Variants in INTS15 observed in about 807,000 individuals in gnomAD.
INTS15 encodes integrator complex subunit 15.
chr7:6,605,762 G>T, the INTS15 span, among the ~76,000 whole-genome samples: 1 of 150,884 alleles, frequency 6.6e-6, no homozygotes, highest in East Asian at 1.9e-4. Flanking sequence ...GCCGTGGTGT[G>T]ATCTCGGCTC....
chr7:6,607,326 G>C, the INTS15 span, among the ~76,000 whole-genome samples: 194 of 151,820 alleles, frequency 1.3e-3, 2 homozygotes, highest in Middle Eastern at 0.014. This position sits in a 1 kb window ranked among gnomAD's most constrained non-coding sequence, Gnocchi z 6.0. Context: ...TGGTGGGAGC[G>C]CGGTGGCGGA....
the INTS15 span, among the ~76,000 whole-genome samples, chr7:6,604,184 C>G: frequency 6.6e-6 from 1 of 152,200 alleles, no homozygotes; most frequent in East Asian, 1.9e-4. Flanking sequence ...TCAAGCCATC[C>G]TCCCACCTCA....
the INTS15 span, among the ~76,000 whole-genome samples, chr7:6,595,737 G>A: frequency 1.6e-4 from 25 of 152,036 alleles, no homozygotes; most frequent in African/African-American, 5.6e-4. Flanking sequence ...GCTGGAATAC[G>A]GTGGTGCAGT....
chr7:6,598,071 G>T, the INTS15 span, among the ~76,000 whole-genome samples: 3 of 152,196 alleles, frequency 2.0e-5, no homozygotes, highest in Non-Finnish European at 2.9e-5. Context: ...ATTTTCTACA[G>T]GCTGGTAGAG....
At chr7:6,600,427 C>T in the INTS15 span, 1 of 1,435,692 alleles carries the variant, frequency 7.0e-7, no homozygotes, top group Non-Finnish European at 9.3e-7. Flanking sequence ...GGAGGGGCTC[C>T]TGGACAGACA....
At chr7:6,605,268 C>T in the INTS15 span, among the ~76,000 whole-genome samples, 1 of 152,118 alleles carries the variant, frequency 6.6e-6, no homozygotes, top group African/African-American at 2.4e-5. Context: ...GGATTACAGG[C>T]ATGAGCCACT....
the INTS15 span, among the ~76,000 whole-genome samples, chr7:6,594,986 C>T: frequency 4.6e-5 from 7 of 152,118 alleles, no homozygotes; most frequent in Non-Finnish European, 7.4e-5. Flanking sequence ...CCTCGGCCTC[C>T]CAAACTGCTA....
chr7:6,594,701 C>G, the INTS15 span: 1 of 1,103,850 alleles, frequency 9.1e-7, no homozygotes, highest in Admixed American at 2.4e-5. Flanking sequence ...AATGCTTTGG[C>G]TGTTTTGTCT....
chr7:6,591,310 A>G, the INTS15 span, among the ~76,000 whole-genome samples: 2 of 143,412 alleles, frequency 1.4e-5, no homozygotes, highest in Non-Finnish European at 3.0e-5. Flanking sequence ...CTCTGTCACC[A>G]GGCTGGAGTG....
chr7:6,594,723 ATTTTTATTT>A, the INTS15 span: 1 of 890,188 alleles, frequency 1.1e-6, no homozygotes, highest in East Asian at 2.7e-5. Flanking sequence ...TGAAATGTAT[ATTTTTATTT>A]TTATTATTTT....
At chr7:6,594,431 C>T in the INTS15 span, 1 of 1,614,012 alleles carries the variant, frequency 6.2e-7, no homozygotes, top group Non-Finnish European at 8.5e-7. Context: ...TGGCTTCTTT[C>T]CAGCGGACGC....
At chr7:6,598,559 T>TC in the INTS15 span, among the ~76,000 whole-genome samples, 17 of 150,778 alleles carry the variant, frequency 1.1e-4, no homozygotes, top group Admixed American at 1.1e-3. Context: ...CGGTTCATAC[T>TC]CCAACAGTTG....
chr7:6,604,196 C>T, the INTS15 span, among the ~76,000 whole-genome samples: 1 of 152,284 alleles, frequency 6.6e-6, no homozygotes, highest in East Asian at 1.9e-4. Flanking sequence ...CCCACCTCAG[C>T]CTCCCAAGTA....
At chr7:6,607,419 G>A in the INTS15 span, 1 of 623,312 alleles carries the variant, frequency 1.6e-6, no homozygotes, top group South Asian at 1.7e-5. This position sits in a 1 kb window ranked among gnomAD's most constrained non-coding sequence, Gnocchi z 6.0. Context: ...GGGGGCATCT[G>A]AAGCTGAGGC....
At chr7:6,590,714 GGCGACTGCCC>G in the INTS15 span, among the ~76,000 whole-genome samples, 1 of 152,224 alleles carries the variant, frequency 6.6e-6, no homozygotes, top group South Asian at 2.1e-4. Flanking sequence ...GGGACAAACT[GGCGACTGCCC>G]GCTCCCTAGA....
At chr7:6,595,469 T>A in the INTS15 span, among the ~76,000 whole-genome samples, 1 of 152,010 alleles carries the variant, frequency 6.6e-6, no homozygotes. Context: ...CAGCCTGAAA[T>A]GTGTGTTTTT....
chr7:6,592,500 G>A, the INTS15 span, among the ~76,000 whole-genome samples: 1 of 151,698 alleles, frequency 6.6e-6, no homozygotes, highest in Non-Finnish European at 1.5e-5. Context: ...ATGGGAGGCG[G>A]AGGTTGCCGT....
chr7:6,600,262 C>G, the INTS15 span: 2 of 1,614,200 alleles, frequency 1.2e-6, no homozygotes, highest in East Asian at 4.5e-5. Context: ...AACTGAACCC[C>G]CTCAACGCCT....
At chr7:6,598,054 C>T in the INTS15 span, among the ~76,000 whole-genome samples, 19 of 152,178 alleles carry the variant, frequency 1.2e-4, no homozygotes, top group Non-Finnish European at 2.1e-4. Context: ...AGTGTGCACA[C>T]GCACACATTT....
Sources: gnomAD v4.1 joint callset for allele counts (sites outside exome capture counted in the v4.1 genomes callset) on GRCh38, gnomAD v4.1.1 for gene constraint, Gnocchi (gnomAD v3.1) non-coding constraint, MANE v1.5 for transcripts, NCBI Gene and HGNC (gene_info 2026-07-23, HGNC 2026-07-21) for gene names.